Variants in KLHL35 observed in about 807,000 individuals in gnomAD.
KLHL35 encodes kelch-like protein 35.
In KLHL35, 50 loss-of-function variants were observed where a neutral mutation model predicts 44.0. The ratio of observed to expected loss-of-function variants is 1.14; its 90% confidence interval spans 0.91 to 1.44. The LOEUF is 1.44. KLHL35 is among the 40% of genes most tolerant of loss of function. KLHL35 has a pLI of 0.00. For synonymous variants in KLHL35, 470 were observed against 410.4 expected (o/e 1.15, Z -1.76); for missense variants, 1,049 against 887.8 (o/e 1.18, Z -2.31).
rs201456447 is a variant in KLHL35 at position 75,424,957 on chromosome 11, AAAAC to A, written c.1374+432_1374+435del. The A allele has an allele frequency of 1.6e-3, 265 of 162,384 alleles. 5 individuals are homozygous for A. The East Asian group carries it at 0.036, about 22-fold the overall frequency. The allele number at this position is 162,384 out of a possible 1,614,324, so 10.1% of individuals were successfully genotyped here. On this transcript the variant is annotated intron_variant, in intron 5 of 6. Coordinates refer to ENST00000539798, the MANE Select transcript of KLHL35 (RefSeq NM_001039548.3). ...ATTCTAACAAAACAAAACTGTAAGAAAAACAAAAATCAATTCAGTGGAAGCCTGT... is the reference window on the plus strand; with the variant it reads ...ATTCTAACAAAACAAAACTGTAAGAAAAAAATCAATTCAGTGGAAGCCTGT...
intron 2 of KLHL35, 47 bp from the exon 3 acceptor site, chr11:75,428,673 G>GGCCCTCTCTT: frequency 6.7e-6 from 10 of 1,503,230 alleles, no homozygotes; most frequent in Non-Finnish European, 8.9e-6. Context: ...ACCCAAGTTC[G>GGCCCTCTCTT]GCCCTCTCTT....
rs1324006810 is a variant in KLHL35 at position 75,429,845 on chromosome 11, A to G, written c.785T>C (p.Leu262Pro). Residue 262 changes from leucine to proline, a missense_variant, in exon 2 of 7, where the codon CTG becomes CCG. By Grantham distance (98) the Leu-to-Pro change is moderately conservative. Transcript: ENST00000539798. ...CGGGCGGCACTCGCCGCAGGCCTGC[A>G]GCAGCTCGTCCGCCTCCACCTTCTC... ...FLEKVEADEL[L>P]QACGECRPLL... The G allele has an allele frequency of 2.6e-6, 4 of 1,513,852 alleles. No individual in the cohort carries two copies. The highest frequency in any genetic ancestry group is 3.5e-6 in the Non-Finnish European group (4 of 1,139,552). 93.8% of individuals were successfully genotyped at this position (1,513,852 alleles called of 1,614,324 possible).
In KLHL35 at chr11:75,430,602, ACTC is replaced by A. The variant is rs1341015351; in HGVS notation, c.25_27del (p.Glu9del). ...CACGGCGCTTCGCAGCCCGGCTCCGACTCCTCCGGCGCATGGCCTTGCCGCATC... is the reference window on the plus strand; with the variant it reads ...CACGGCGCTTCGCAGCCCGGCTCCGACTCCGGCGCATGGCCTTGCCGCATC... On this transcript the variant is annotated inframe_deletion, in exon 2 of 7. Transcript: ENST00000539798. 7.1e-7 allele frequency: 1 copy of A among 1,418,102 alleles called. No individual in the cohort carries two copies. Among genetic ancestry groups the A allele is most frequent in the Non-Finnish European group, 9.2e-7 (1 of 1,089,938 alleles). The allele number at this position is 1,418,102 out of a possible 1,614,324, so 87.8% of individuals were successfully genotyped here.
Position 75,430,202 on chromosome 11 carries a change from A to C in KLHL35, c.428T>G (p.Val143Gly). 1.6e-6 allele frequency: 2 copies of C among 1,239,102 alleles called. No homozygotes were observed. Among genetic ancestry groups the C allele is most frequent in the African/African-American group, 3.2e-5 (2 of 62,378 alleles). 76.8% of individuals were successfully genotyped at this position (1,239,102 alleles called of 1,614,324 possible). Residue 143 changes from valine to glycine, a missense_variant, in exon 2 of 7, where the codon GTG (valine) becomes GGG (glycine). Val to Gly is a moderately radical substitution (Grantham distance 109, BLOSUM62 -3). Transcript: ENST00000539798. ...GCGCAGGCGGCCCTCGAGAAAGCGC[A>C]CGCAGGCCTCGCGCAGGCCCGCCAC... ...LGVAGLREAC[V>G]RFLEGRLRAA...
rs781334910 is a variant in KLHL35, at chr11:75,425,576, G to A, written c.1191C>T (p.Phe397=). ...HKMAVVQGQL[F]AVGGFDGLRR... ...TCAGGCCGTCGAAGCCACCCACCGC[G>A]AACAGCTGCAAGTGAGGACATGGGC... is the stretch of plus-strand genomic sequence containing the variant. Residue 397 remains phenylalanine (F), a synonymous_variant, in exon 5 of 7, where the codon TTC becomes TTT. Transcript: ENST00000539798. 4.7e-6 allele frequency: 7 copies of A among 1,478,062 alleles called. No individual in the cohort carries two copies. Among genetic ancestry groups the A allele is most frequent in the South Asian group, 1.4e-5 (1 of 71,798 alleles). 91.6% of individuals were successfully genotyped at this position (1,478,062 alleles called of 1,614,324 possible). A position where few individuals can be genotyped will look rare whatever the true frequency, so the allele number is the denominator to read the frequency against.
At position 75,430,344 on chromosome 11, in the gene KLHL35, G is replaced by C; in HGVS notation, c.286C>G (p.Pro96Ala). ...GCCAGCGCCGCCGCCGCCCCGGCCG[G>C]GCTCGTGCCTGGCGCCTCGGGAGCT... ...PVAPEAPGTS[P>A]AGAAAALAVV... Residue 96 changes from proline (P) to alanine (A), a missense_variant, in exon 2 of 7, where the codon CCG (proline) becomes GCG (alanine). By Grantham distance (27) the Pro-to-Ala change is conservative (BLOSUM62 -1). Coordinates refer to ENST00000539798, the MANE Select transcript of KLHL35 (RefSeq NM_001039548.3). The C allele has an allele frequency of 7.7e-7, 1 of 1,306,394 alleles. No homozygotes were observed. The highest frequency in any genetic ancestry group is 9.7e-7 in the Non-Finnish European group (1 of 1,026,202). 80.9% of individuals were successfully genotyped at this position (1,306,394 alleles called of 1,614,324 possible). A position where few individuals can be genotyped will look rare whatever the true frequency, so the allele number is the denominator to read the frequency against.
intron 6 of KLHL35, chr11:75,423,241 AGGGGATG>A: frequency 5.5e-6 from 1 of 183,016 alleles, no homozygotes; most frequent in Non-Finnish European, 1.1e-5. Context: ...CTGGAGTTTC[AGGGGATG>A]GAGAAGAAGG....
intron 6 of KLHL35, 120 bp downstream of exon 6, chr11:75,423,572 G>A (rs1948467581): frequency 1.2e-6 from 1 of 803,112 alleles, no homozygotes; most frequent in Non-Finnish European, 2.0e-6. Flanking sequence ...TCACTGTGAG[G>A]ATGAGCTAGA....
At position 75,428,455 on chromosome 11, in the gene KLHL35, G is replaced by A. The variant is rs769458390; in HGVS notation, c.1053C>T (p.Asp351=). ...SEFAACALRN[D]VYVSGGHINS... ...CTCCGCCCTCACCGGAGACGTAGAC[G>A]TCATTGCGGAGAGCACAGGCGGCGA... The change falls in exon 3 of 7, where the codon GAC becomes GAT. Residue 351 remains aspartate (D), a synonymous_variant. Coordinates refer to ENST00000539798, the MANE Select transcript of KLHL35 (RefSeq NM_001039548.3). The A allele has an allele frequency of 1.9e-6, 3 of 1,612,486 alleles. No individual in the cohort carries two copies. Among genetic ancestry groups the A allele is most frequent in the South Asian group, 1.1e-5 (1 of 91,086 alleles).
At chr11:75,426,778 C>T (rs991994166) in intron 3 of KLHL35, 140 bp from the exon 4 acceptor site, 4 of 567,434 alleles carry the variant, frequency 7.0e-6, no homozygotes, top group Admixed American at 6.0e-5. Flanking sequence ...TGGTGTAAGA[C>T]TCTGGACCTG....
intron 5 of KLHL35, 148 bp downstream of exon 5, chr11:75,425,245 T>G: frequency 1.1e-6 from 1 of 878,326 alleles, no homozygotes; most frequent in Non-Finnish European, 1.6e-6. Flanking sequence ...CTCATTTCCT[T>G]CCCTGAAACA....
At chr11:75,426,300 A>G (rs1948492019) in intron 4 of KLHL35, 1 of 409,824 alleles carries the variant, frequency 2.4e-6, no homozygotes, top group East Asian at 4.0e-5. Flanking sequence ...CCTAGACTCT[A>G]TGGCCCCAGA....
chr11:75,423,187 C>T (rs924229146), intron 6 of KLHL35: 2 of 208,610 alleles, frequency 9.6e-6, no homozygotes, highest in African/African-American at 2.3e-5. Context: ...CACCAAAGGT[C>T]AGAACTGGCA....
intron 4 of KLHL35, chr11:75,426,080 T>C (rs533602499): frequency 1.6e-4 from 25 of 158,300 alleles, no homozygotes; most frequent in Non-Finnish European, 2.8e-4. Flanking sequence ...CTCAGCCTCC[T>C]GAGTAGCTGG....
At chr11:75,426,165 C>T (rs1454662970) in intron 4 of KLHL35, 23 of 167,230 alleles carry the variant, frequency 1.4e-4, no homozygotes, top group Non-Finnish European at 1.4e-4. Flanking sequence ...CCGTGTTAGC[C>T]AGGATGGTCT....
At chr11:75,426,667 T>C (rs1948494861) in intron 3 of KLHL35, 29 bp from the exon 4 acceptor site, 2 of 1,480,600 alleles carry the variant, frequency 1.4e-6, no homozygotes, top group African/African-American at 1.4e-5. Flanking sequence ...CTGTTGCCCA[T>C]CGGCTCTCTT....
At chr11:75,425,855 TTAA>T (rs1565171124) in intron 4 of KLHL35, 2 of 381,668 alleles carry the variant, frequency 5.2e-6, no homozygotes, top group Non-Finnish European at 9.3e-6. Flanking sequence ...AAGCTGATGC[TTAA>T]TAATAATAGC....
At position 75,430,441 on chromosome 11, in the gene KLHL35, G is replaced by A. The variant is rs1055121496; in HGVS notation, c.189C>T (p.Ser63=). The part of the protein sequence containing the change: ...PCHRAALSAG[S]AYFRSLFAAG... ...CCGCGAACAAGCTGCGGAAGTAGGCGCTGCCCGCGCTGAGCGCCGCGCGGT... is the reference window on the plus strand; with the variant it reads ...CCGCGAACAAGCTGCGGAAGTAGGCACTGCCCGCGCTGAGCGCCGCGCGGT... Residue 63 remains serine (S), a synonymous_variant, in exon 2 of 7, where the codon AGC becomes AGT. Coordinates refer to ENST00000539798, the MANE Select transcript of KLHL35 (RefSeq NM_001039548.3). The A allele has an allele frequency of 9.4e-6, 13 of 1,387,182 alleles. No homozygotes were observed. Among genetic ancestry groups the A allele is most frequent in the South Asian group, 1.5e-5 (1 of 65,366 alleles). 85.9% of individuals were successfully genotyped at this position (1,387,182 alleles called of 1,614,324 possible).
chr11:75,422,967 C>T, intron 6 of KLHL35, 199 bp from the exon 7 acceptor site: 1 of 580,910 alleles, frequency 1.7e-6, no homozygotes, highest in Non-Finnish European at 3.1e-6. Flanking sequence ...AGGCAAGTCA[C>T]TTAACCTCTC....
Sources: allele counts gnomAD v4.1 joint callset, GRCh38; gene constraint gnomAD v4.1.1; transcripts MANE v1.5; gene names NCBI Gene and HGNC (gene_info 2026-07-23, HGNC 2026-07-21).